The following COMMD10 variants were observed in gnomAD, a reference collection of about 807,000 sequenced individuals.
The protein encoded by COMMD10 is COMM domain-containing protein 10.
In COMMD10, 33 loss-of-function variants were observed where a neutral mutation model predicts 28.9. The observed-to-expected ratio is 1.14, with a 90% CI of 0.87 to 1.53. The LOEUF (loss-of-function observed/expected upper bound fraction) is 1.53, where lower values mean the gene tolerates loss of function less well. Among genes scored for constraint, COMMD10 ranks in the 40% most tolerant of loss-of-function variants. The probability of loss-of-function intolerance (pLI) is 0.00; values close to 1 mark genes in which losing one functional copy is unlikely to be tolerated. For missense variants in COMMD10, 310 were observed against 233.4 expected (o/e 1.33, Z -2.14); for synonymous variants, 110 against 81.7 (o/e 1.35, Z -1.87).
chr5:116,233,359 A>G (rs1274696700), intron 5 of COMMD10, among the ~76,000 whole-genome samples: 1 of 152,146 alleles, frequency 6.6e-6, no homozygotes, highest in Admixed American at 6.6e-5. Context: ...AAAACATAGT[A>G]TATATAAGGG....
chr5:116,197,251 T>C (rs1416540822), intron 5 of COMMD10, among the ~76,000 whole-genome samples: 3 of 151,880 alleles, frequency 2.0e-5, no homozygotes, highest in African/African-American at 4.9e-5. Flanking sequence ...TTTGAAGACT[T>C]ACTAAGAAAT....
At chr5:116,167,681 C>T (rs1753177327) in intron 5 of COMMD10, among the ~76,000 whole-genome samples, 1 of 152,172 alleles carries the variant, frequency 6.6e-6, no homozygotes, top group African/African-American at 2.4e-5. Flanking sequence ...CAATATTCAA[C>T]ACTCTTAAAG....
intron 5 of COMMD10, among the ~76,000 whole-genome samples, chr5:116,147,924 T>A (rs1752398014): frequency 6.6e-6 from 1 of 151,854 alleles, no homozygotes. Flanking sequence ...CATAAAGCAT[T>A]ATATTGTAAA....
chr5:116,283,312 A>G (rs1028451730), intron 5 of COMMD10, among the ~76,000 whole-genome samples: 17 of 151,680 alleles, frequency 1.1e-4, no homozygotes, highest in African/African-American at 3.9e-4. Flanking sequence ...GTGTATGTAT[A>G]TCAATATCTT....
intron 4 of COMMD10, among the ~76,000 whole-genome samples, chr5:116,096,806 T>C (rs1334406145): frequency 1.3e-5 from 2 of 152,098 alleles, no homozygotes; most frequent in African/African-American, 4.8e-5. Context: ...CATTGCTTCA[T>C]TTTTTATCAT....
At chr5:116,228,097 A>G (rs1383440384) in intron 5 of COMMD10, among the ~76,000 whole-genome samples, 2 of 152,032 alleles carry the variant, frequency 1.3e-5, no homozygotes, top group East Asian at 1.9e-4. Context: ...TACAGTTACT[A>G]TGATTCTTAA....
At chr5:116,144,288 GC>G (rs1752277102) in intron 5 of COMMD10, among the ~76,000 whole-genome samples, 1 of 151,882 alleles carries the variant, frequency 6.6e-6, no homozygotes, top group African/African-American at 2.4e-5. Context: ...AAGGAAGAGA[GC>G]ATTTCTTAGG....
intron 5 of COMMD10, among the ~76,000 whole-genome samples, chr5:116,239,933 T>C (rs1749770149): frequency 6.6e-6 from 1 of 152,042 alleles, no homozygotes; most frequent in Non-Finnish European, 1.5e-5. Flanking sequence ...TTAGCTTATT[T>C]TTCACTCCCC....
At chr5:116,238,097 G>T (rs1286706080) in intron 5 of COMMD10, among the ~76,000 whole-genome samples, 1 of 152,178 alleles carries the variant, frequency 6.6e-6, no homozygotes, top group African/African-American at 2.4e-5. Flanking sequence ...ATGCCCTAGA[G>T]TTCCAGTAGG....
chr5:116,218,271 C>G (rs1041572820), intron 5 of COMMD10: 7 of 734,726 alleles, frequency 9.5e-6, no homozygotes, highest in Non-Finnish European at 1.5e-5. Flanking sequence ...CCTTTAGCAT[C>G]CCCTTCAGCC....
At chr5:116,160,998 AT>A (rs1561639828) in intron 5 of COMMD10, among the ~76,000 whole-genome samples, 2 of 152,194 alleles carry the variant, frequency 1.3e-5, no homozygotes, top group Non-Finnish European at 2.9e-5. Context: ...TTTTAAAAAA[AT>A]AATACTGATG....
intron 4 of COMMD10, among the ~76,000 whole-genome samples, chr5:116,114,883 C>G (rs2112742265): frequency 6.6e-6 from 1 of 152,246 alleles, no homozygotes; most frequent in Middle Eastern, 3.4e-3. Context: ...CAGGACCAGA[C>G]TGCTTTGGCG....
At chr5:116,273,073 A>G (rs1284922450) in intron 5 of COMMD10, among the ~76,000 whole-genome samples, 2 of 151,848 alleles carry the variant, frequency 1.3e-5, no homozygotes, top group Non-Finnish European at 2.9e-5. Flanking sequence ...AATTCATCTT[A>G]AATGTGATGC....
chr5:116,199,099 C>G (rs1428753486), intron 5 of COMMD10, among the ~76,000 whole-genome samples: 1 of 152,130 alleles, frequency 6.6e-6, no homozygotes, highest in East Asian at 1.9e-4. Flanking sequence ...GTTCTTGTTG[C>G]TCCTTATCCT....
At chr5:116,087,663 T>A in intron 2 of COMMD10, 76 bp downstream of exon 2, 1 of 1,021,660 alleles carries the variant, frequency 9.8e-7, no homozygotes, top group Admixed American at 1.8e-5. Flanking sequence ...TGGAGAACTT[T>A]TTGCAAAGCA....
intron 5 of COMMD10, among the ~76,000 whole-genome samples, chr5:116,271,509 A>G (rs1332031047): frequency 1.3e-5 from 2 of 151,634 alleles, no homozygotes; most frequent in Non-Finnish European, 2.9e-5. Flanking sequence ...AGTACCCTCC[A>G]TGAATTGGGT....
chr5:116,087,711 G>C (rs1750154096), intron 2 of COMMD10, 124 bp downstream of exon 2: 2 of 646,512 alleles, frequency 3.1e-6, no homozygotes, highest in African/African-American at 3.6e-5. Context: ...CACTGGTTCT[G>C]TGGAAGATTT....
At chr5:116,092,113 A>T (rs1405625006) in intron 3 of COMMD10, among the ~76,000 whole-genome samples, 3 of 152,214 alleles carry the variant, frequency 2.0e-5, no homozygotes. Flanking sequence ...ATCATATATT[A>T]TGTAGGAAAT....
At chr5:116,219,365 A>G (rs902664766) in intron 5 of COMMD10, among the ~76,000 whole-genome samples, 1 of 152,118 alleles carries the variant, frequency 6.6e-6, no homozygotes. Context: ...ACAGATAGAA[A>G]CTGCTACTCT....
Sources: allele counts gnomAD v4.1 joint callset (sites outside exome capture counted in the v4.1 genomes callset), GRCh38; gene constraint gnomAD v4.1.1; transcripts MANE v1.5; gene names NCBI Gene and HGNC (gene_info 2026-07-23, HGNC 2026-07-21).